The following RNF144A variants were observed in gnomAD, a reference collection of about 807,000 sequenced individuals.
RNF144A encodes E3 ubiquitin-protein ligase RNF144A.
In RNF144A, 11 loss-of-function variants were observed where a neutral mutation model predicts 38.7. The observed-to-expected ratio is 0.28, with a 90% CI of 0.18 to 0.47. The LOEUF (loss-of-function observed/expected upper bound fraction) is 0.47. RNF144A is among the 20% of genes least tolerant of loss of function. The pLI is 0.99. For missense variants in RNF144A, 316 were observed against 377.2 expected (o/e 0.84, Z 1.34); for synonymous variants, 149 against 143.9 (o/e 1.04, Z -0.25).
At chr2:7,045,728 C>T (rs549984459), downstream of RNF144A, among the ~76,000 whole-genome samples, 9 of 152,300 alleles carry the variant, frequency 5.9e-5, no homozygotes, top group Non-Finnish European at 8.8e-5. Flanking sequence ...GGAGGGAGCA[C>T]GGACTCTGAG....
intron 6 of RNF144A, chr2:7,062,624 TAGAC>T (rs1298110518): frequency 3.3e-5 from 5 of 151,734 alleles, no homozygotes; most frequent in Non-Finnish European, 4.4e-5. Flanking sequence ...AAATTGATAA[TAGAC>T]AGTGAAGGAA....
downstream of RNF144A, among the ~76,000 whole-genome samples, chr2:7,070,932 GTTTTTTTTTT>G (rs138072047): frequency 1.4e-4 from 17 of 123,042 alleles, no homozygotes; most frequent in African/African-American, 5.0e-4. Flanking sequence ...GCTTTGCTGA[GTTTTTTTTTT>G]TTTTTTTTTT....
intron 2 of RNF144A, among the ~76,000 whole-genome samples, chr2:6,972,640 CAT>C (rs1272806248): frequency 6.6e-6 from 1 of 152,178 alleles, no homozygotes; most frequent in Non-Finnish European, 1.5e-5. Context: ...GTTTCGTACA[CAT>C]GTTTCGCAGG....
chr2:6,921,610 T>A (rs1343975888), intron 1 of RNF144A, among the ~76,000 whole-genome samples: 1 of 152,168 alleles, frequency 6.6e-6, no homozygotes, highest in Non-Finnish European at 1.5e-5. Flanking sequence ...CAGATAAGGA[T>A]AGATCCCATG....
In RNF144A at chr2:6,996,973, C is replaced by T; in HGVS notation, c.47C>T (p.Pro16Leu). The change falls in exon 3 of 9, where the codon CCG becomes CTG. Residue 16 changes from proline to leucine, a missense_variant. Pro to Leu is a moderately conservative substitution (Grantham distance 98). Coordinates refer to ENST00000320892, the MANE Select transcript of RNF144A (RefSeq NM_014746.6). Reference protein sequence around the residue: ...YRPTWDLALDPLVSCKLCLGE... With the variant: ...YRPTWDLALDLLVSCKLCLGE... ...CCCACCTGGGACCTGGCCCTCGACC[C>T]GCTGGTGTCTTGCAAGCTCTGTCTT... 1.9e-6 allele frequency: 3 copies of T among 1,614,064 alleles called. No individual in the cohort carries two copies. The highest frequency in any genetic ancestry group is 2.5e-6 in the Non-Finnish European group (3 of 1,179,932).
chr2:7,012,090 G>T (rs1670855838), intron 3 of RNF144A, among the ~76,000 whole-genome samples: 1 of 152,168 alleles, frequency 6.6e-6, no homozygotes, highest in Admixed American at 6.5e-5. Context: ...AATATCCTGA[G>T]AGTCTTCAGC....
intron 2 of RNF144A, among the ~76,000 whole-genome samples, chr2:6,993,179 T>A (rs1291099680): frequency 6.6e-6 from 1 of 152,164 alleles, no homozygotes; most frequent in East Asian, 1.9e-4. Context: ...ACCATTTGAA[T>A]CACGATTTTG....
intron 5 of RNF144A, among the ~76,000 whole-genome samples, chr2:7,019,318 C>A (rs1671355375): frequency 6.6e-6 from 1 of 152,202 alleles, no homozygotes; most frequent in South Asian, 2.1e-4. Context: ...CCTGCTGGTC[C>A]CGTGGCAATG....
chr2:7,067,221 C>A (rs1674270046), intron 6 of RNF144A, among the ~76,000 whole-genome samples: 1 of 152,298 alleles, frequency 6.6e-6, no homozygotes, highest in African/African-American at 2.4e-5. Context: ...AAGCTTCCTC[C>A]AAAATCTGGC....
chr2:6,945,716 C>T (rs1572239631), intron 2 of RNF144A, among the ~76,000 whole-genome samples: 1 of 144,212 alleles, frequency 6.9e-6, no homozygotes, highest in South Asian at 2.2e-4. Flanking sequence ...TTTTTGTTGA[C>T]TTTTTTTTTT....
chr2:6,967,448 A>AC (rs1667740759), intron 2 of RNF144A, among the ~76,000 whole-genome samples: 1 of 152,108 alleles, frequency 6.6e-6, no homozygotes, highest in Admixed American at 6.5e-5. Context: ...ATTGTGCCCC[A>AC]CCCTTGCCCC....
chr2:7,066,110 C>T (rs1414853685), intron 6 of RNF144A, among the ~76,000 whole-genome samples: 8 of 150,266 alleles, frequency 5.3e-5, no homozygotes, highest in East Asian at 1.9e-4. Context: ...CTTTTTGAGA[C>T]GGAGTCTCAC....
intron 6 of RNF144A, among the ~76,000 whole-genome samples, chr2:7,057,402 G>C (rs1673782467): frequency 6.6e-6 from 1 of 152,174 alleles, no homozygotes; most frequent in South Asian, 2.1e-4. Context: ...TTCTAATCTG[G>C]AGGAAATTGG....
downstream of RNF144A, among the ~76,000 whole-genome samples, chr2:7,068,909 A>C (rs1572506186): frequency 1.3e-5 from 2 of 152,090 alleles, no homozygotes; most frequent in Non-Finnish European, 2.9e-5. Flanking sequence ...GCTGCCTGGC[A>C]CCTCCTGGGT....
At position 7,041,982 on chromosome 2, in the gene RNF144A, A is replaced by C; in HGVS notation, c.*2222A>C. 6.1e-6 allele frequency: 6 copies of C among 985,454 alleles called. No homozygotes were observed. The highest frequency in any genetic ancestry group is 7.2e-6 in the Non-Finnish European group (6 of 829,948). 61.0% of individuals were successfully genotyped at this position (985,454 alleles called of 1,614,324 possible). A position where few individuals can be genotyped will look rare whatever the true frequency, so the allele number is the denominator to read the frequency against. ...GCCTTCACCTCTGATGTGTTTCACA[A>C]GCACGTAGTTCAACCCAGATAGGGA... is the stretch of plus-strand genomic sequence containing the variant. On this transcript the variant is annotated 3_prime_UTR_variant, in exon 9 of 9. Coordinates refer to ENST00000320892, the MANE Select transcript of RNF144A (RefSeq NM_014746.6).
Position 7,043,184 on chromosome 2 carries a change from A to T in RNF144A, c.*3424A>T. The T allele has an allele frequency of 2.0e-6, 2 of 985,400 alleles. No homozygotes were observed. Among genetic ancestry groups the T allele is most frequent in the Non-Finnish European group, 2.4e-6 (2 of 829,942 alleles). The allele number at this position is 985,400 out of a possible 1,614,324, so 61.0% of individuals were successfully genotyped here. On this transcript the variant is annotated 3_prime_UTR_variant, in exon 9 of 9. Coordinates refer to ENST00000320892, the MANE Select transcript of RNF144A (RefSeq NM_014746.6). The stretch of plus-strand genomic sequence containing the variant: ...CACCCGGCCTATTTTCTTAAAGGGG[A>T]ACAAATGATCTTGACAACATATTAT...
At chr2:6,927,549 G>A (rs934806202) in intron 1 of RNF144A, among the ~76,000 whole-genome samples, 2 of 152,194 alleles carry the variant, frequency 1.3e-5, no homozygotes, top group African/African-American at 4.8e-5. Context: ...TCCTTGTGTA[G>A]CAGAAAAAAC....
intron 7 of RNF144A, among the ~76,000 whole-genome samples, chr2:7,024,734 A>T (rs1271923027): frequency 6.6e-6 from 1 of 152,178 alleles, no homozygotes; most frequent in Non-Finnish European, 1.5e-5. Flanking sequence ...CTGGGGTCTA[A>T]ACACTTCATG....
At chr2:7,067,954 G>A (rs1276566792) in intron 6 of RNF144A, among the ~76,000 whole-genome samples, 1 of 152,162 alleles carries the variant, frequency 6.6e-6, no homozygotes, top group Non-Finnish European at 1.5e-5. Context: ...CAAGAATCCT[G>A]TTAGATTTCT....
Sources: allele counts gnomAD v4.1 joint callset (sites outside exome capture counted in the v4.1 genomes callset), GRCh38; gene constraint gnomAD v4.1.1; transcripts MANE v1.5; gene names NCBI Gene and HGNC (gene_info 2026-07-23, HGNC 2026-07-21).